AKR1C3: variants seen among roughly 807,000 people sequenced by gnomAD.
AKR1C3 encodes the protein 3-alpha hydroxysteroid dehydrogenase, type II.
A neutral mutation model predicts 43.6 loss-of-function variants in AKR1C3; 48 were observed. The observed-to-expected ratio is 1.10, with a 90% confidence interval of 0.87 to 1.40. The LOEUF is 1.40. Ranked by LOEUF, AKR1C3 falls within the 40% of genes most tolerant of loss-of-function variation. The pLI is 0.00. For synonymous variants in AKR1C3, 162 were observed against 139.6 expected, an observed-to-expected ratio of 1.16 and a Z score of -1.13; for missense variants, 482 against 391.2, an observed-to-expected ratio of 1.23 and a Z score of -1.96.
chr10:5,077,227 C>T (rs1446246891), intron 1 of AKR1C3, among the ~76,000 whole-genome samples: 6 of 152,118 alleles, frequency 3.9e-5, no homozygotes, highest in African/African-American at 1.4e-4. Flanking sequence ...ACCAAAGGGG[C>T]CCTGTATCCC....
At chr10:5,105,445 A>G in intron 7 of AKR1C3, 150 bp from the exon 8 acceptor site, 2 of 567,300 alleles carry the variant, frequency 3.5e-6, no homozygotes, top group East Asian at 2.9e-5. Context: ...TGAGCTATTC[A>G]TTGACCCACC....
chr10:5,088,715 C>G (rs75390941), intron 1 of AKR1C3, among the ~76,000 whole-genome samples: 3 of 151,538 alleles, frequency 2.0e-5, no homozygotes, highest in African/African-American at 7.3e-5. Flanking sequence ...AATGGTAGAT[C>G]TCCTGTAGAT....
chr10:5,086,442 AGTTT>A (rs1554783079), intron 1 of AKR1C3, among the ~76,000 whole-genome samples: 1 of 151,594 alleles, frequency 6.6e-6, no homozygotes, highest in African/African-American at 2.4e-5. Context: ...TCTGAGAGAC[AGTTT>A]GTTATAATTT....
chr10:5,065,471 G>T (rs189885200), intron 1 of AKR1C3, among the ~76,000 whole-genome samples: 1 of 152,184 alleles, frequency 6.6e-6, no homozygotes, highest in Admixed American at 6.5e-5. Context: ...GGAGTTGATT[G>T]TGTTACCGAA....
chr10:5,099,639 T>A, intron 5 of AKR1C3, 190 bp downstream of exon 5: 1 of 1,019,510 alleles, frequency 9.8e-7, no homozygotes, highest in Non-Finnish European at 1.4e-6. Flanking sequence ...TAGGGAAAAA[T>A]TGGAATGAGT....
intron 6 of AKR1C3, 120 bp downstream of exon 6, chr10:5,102,330 C>T (rs1374652966): frequency 6.3e-6 from 10 of 1,591,158 alleles, no homozygotes; most frequent in African/African-American, 4.1e-5. Context: ...AAGAGAATTG[C>T]ATTTCTGACG....
intron 4 of AKR1C3, among the ~76,000 whole-genome samples, chr10:5,099,111 C>A (rs2131842640): frequency 1.3e-5 from 2 of 152,306 alleles, no homozygotes; most frequent in East Asian, 3.9e-4. Context: ...GTGCATTAAT[C>A]TATCCAGTTT....
chr10:5,099,598 TTTC>T (rs1233514904), intron 5 of AKR1C3, 149 bp downstream of exon 5: 4 of 1,406,162 alleles, frequency 2.8e-6, no homozygotes, highest in Non-Finnish European at 3.9e-6. Context: ...GGCGTGAAGA[TTTC>T]TTGTTTGTAC....
intron 1 of AKR1C3, among the ~76,000 whole-genome samples, chr10:5,088,777 A>G (rs1437322227): frequency 6.6e-6 from 1 of 151,792 alleles, no homozygotes; most frequent in Non-Finnish European, 1.5e-5. Flanking sequence ...TATTTCTTTT[A>G]AGTGGAGGAT....
intron 1 of AKR1C3, among the ~76,000 whole-genome samples, chr10:5,071,475 G>A (rs1262105284): frequency 2.0e-5 from 3 of 152,058 alleles, no homozygotes; most frequent in African/African-American, 7.3e-5. Context: ...CACAACTCAC[G>A]GTGACTAAGG....
At chr10:5,057,829 T>A (rs1838294752) in intron 1 of AKR1C3, among the ~76,000 whole-genome samples, 1 of 152,212 alleles carries the variant, frequency 6.6e-6, no homozygotes, top group African/African-American at 2.4e-5. Flanking sequence ...ACTCTCGGGC[T>A]GTAGCTAAAG....
intron 4 of AKR1C3, 55 bp from the exon 5 acceptor site, chr10:5,099,272 A>G: frequency 6.2e-7 from 1 of 1,611,814 alleles, no homozygotes; most frequent in South Asian, 1.1e-5. Context: ...TCTTGCATTT[A>G]CCGTGATTTG....
intron 1 of AKR1C3, among the ~76,000 whole-genome samples, chr10:5,073,821 T>C (rs1168922727): frequency 2.0e-5 from 3 of 152,124 alleles, no homozygotes; most frequent in Non-Finnish European, 4.4e-5. Context: ...TGTTCTGTGG[T>C]TGTAAATCCC....
chr10:5,049,954 C>A (rs1226652086), intron 1 of AKR1C3, among the ~76,000 whole-genome samples: 1 of 152,222 alleles, frequency 6.6e-6, no homozygotes, highest in South Asian at 2.1e-4. Flanking sequence ...GCCAAATCTG[C>A]ACCTTCCATG....
At chr10:5,085,003 C>T (rs1452589597) in intron 1 of AKR1C3, among the ~76,000 whole-genome samples, 5 of 152,114 alleles carry the variant, frequency 3.3e-5, no homozygotes, top group South Asian at 2.1e-4. Flanking sequence ...TTTCTAGATA[C>T]ACAATCATGT....
At chr10:5,091,138 T>C (rs1311650231), upstream of AKR1C3, among the ~76,000 whole-genome samples, 3 of 148,084 alleles carry the variant, frequency 2.0e-5, no homozygotes, top group Admixed American at 2.0e-4. Flanking sequence ...CGGAGTAAAA[T>C]GAGGGTTATT....
At chr10:5,053,194 G>A (rs1424387422) in intron 1 of AKR1C3, among the ~76,000 whole-genome samples, 3 of 152,250 alleles carry the variant, frequency 2.0e-5, no homozygotes, top group Non-Finnish European at 2.9e-5. Flanking sequence ...CGTGGAGCAG[G>A]GGGCAGCGCT....
At chr10:5,063,589 A>C (rs557834150) in intron 1 of AKR1C3, among the ~76,000 whole-genome samples, 1 of 151,600 alleles carries the variant, frequency 6.6e-6, no homozygotes, top group Non-Finnish European at 1.5e-5. Context: ...TGAGGCCAGA[A>C]GTTTGAGGCC....
intron 1 of AKR1C3, among the ~76,000 whole-genome samples, chr10:5,050,631 A>G (rs1413339571): frequency 2.6e-5 from 4 of 152,248 alleles, no homozygotes; most frequent in African/African-American, 9.6e-5. Context: ...GGAAAATAAA[A>G]CATAAAAAGG....
Sources: allele counts gnomAD v4.1 joint callset (sites outside exome capture counted in the v4.1 genomes callset), GRCh38; gene constraint gnomAD v4.1.1; transcripts MANE v1.5; gene names NCBI Gene and HGNC (gene_info 2026-07-23, HGNC 2026-07-21).